The following CSMD2 variants were observed in gnomAD, a reference collection of about 807,000 sequenced individuals.
CSMD2 encodes the protein CUB and sushi domain-containing protein 2.
In CSMD2, 130 loss-of-function variants were observed where a neutral mutation model predicts 398.5. The ratio of observed to expected loss-of-function variants is 0.33; its 90% CI spans 0.28 to 0.38. The LOEUF is 0.38. Ranked by LOEUF, CSMD2 falls within the 10% of genes least tolerant of loss-of-function variation. The pLI is 1.00. For missense variants in CSMD2, 3,829 were observed against 4,764.9 expected (o/e 0.80, Z 5.78); for synonymous variants, 1,828 against 1,908.5 (o/e 0.96, Z 1.10).
intron 5 of CSMD2, among the ~76,000 whole-genome samples, chr1:33,912,157 T>G (rs1416052886): frequency 6.6e-6 from 1 of 152,070 alleles, no homozygotes; most frequent in African/African-American, 2.4e-5. Flanking sequence ...CACAGTTTTG[T>G]GGGGACTGGG....
chr1:34,110,994 A>G (rs990510653), intron 1 of CSMD2, among the ~76,000 whole-genome samples: 1 of 152,164 alleles, frequency 6.6e-6, no homozygotes, highest in African/African-American at 2.4e-5. Context: ...ATGTTTTCTT[A>G]TTTCAATAGC....
At chr1:33,684,596 C>T (rs566070932) in intron 25 of CSMD2, among the ~76,000 whole-genome samples, 4 of 152,344 alleles carry the variant, frequency 2.6e-5, no homozygotes, top group African/African-American at 7.2e-5. Flanking sequence ...GCTTCCCAGC[C>T]AATTTATCCT....
At chr1:33,556,535 G>C (rs572627556) in intron 55 of CSMD2, among the ~76,000 whole-genome samples, 1 of 152,288 alleles carries the variant, frequency 6.6e-6, no homozygotes, top group Admixed American at 6.5e-5. Flanking sequence ...AGATGGGGGA[G>C]AGAGAAATCT....
At chr1:33,697,088 G>C (rs1342380360) in intron 24 of CSMD2, among the ~76,000 whole-genome samples, 1 of 151,936 alleles carries the variant, frequency 6.6e-6, no homozygotes, top group Non-Finnish European at 1.5e-5. Flanking sequence ...TATACTGCTT[G>C]AGTGAACCCA....
chr1:33,972,236 C>G (rs1645798310), intron 3 of CSMD2, among the ~76,000 whole-genome samples: 2 of 152,180 alleles, frequency 1.3e-5, no homozygotes, highest in South Asian at 4.1e-4. Context: ...GAGGCTAAGC[C>G]AGGTCCCTGT....
chr1:34,140,168 C>CA (rs1370357858), intron 1 of CSMD2, among the ~76,000 whole-genome samples: 1 of 151,924 alleles, frequency 6.6e-6, no homozygotes, highest in Non-Finnish European at 1.5e-5. Context: ...GGGCAAGACA[C>CA]ACAATTCTAT....
intron 5 of CSMD2, chr1:33,860,997 C>T (rs1043377113): frequency 6.6e-5 from 10 of 152,174 alleles, no homozygotes; most frequent in African/African-American, 2.4e-4. Context: ...ATCTCTATAT[C>T]TTCTCTGTGC....
intron 55 of CSMD2, among the ~76,000 whole-genome samples, chr1:33,557,134 G>C (rs2148650857): frequency 6.6e-6 from 1 of 152,302 alleles, no homozygotes; most frequent in East Asian, 1.9e-4. Context: ...CAGATACTAT[G>C]CTGGGACTTT....
chr1:34,161,959 T>A (rs1032458803), intron 1 of CSMD2, among the ~76,000 whole-genome samples: 2 of 150,802 alleles, frequency 1.3e-5, no homozygotes, highest in Non-Finnish European at 3.0e-5. Context: ...GATCATGAGG[T>A]CAGGAGTTCG....
intron 9 of CSMD2, among the ~76,000 whole-genome samples, chr1:33,815,852 T>C (rs898913507): frequency 6.6e-6 from 1 of 152,176 alleles, no homozygotes; most frequent in African/African-American, 2.4e-5. Flanking sequence ...TGTACTCTAG[T>C]ACAATCAGTA....
intron 31 of CSMD2, among the ~76,000 whole-genome samples, chr1:33,634,523 G>A (rs759414336): frequency 2.0e-5 from 3 of 152,130 alleles, no homozygotes; most frequent in Non-Finnish European, 4.4e-5. Flanking sequence ...CTACAAAGAG[G>A]AGATCCAGGA....
intron 57 of CSMD2, among the ~76,000 whole-genome samples, chr1:33,545,053 T>G (rs1485780571): frequency 6.6e-6 from 1 of 152,082 alleles, no homozygotes; most frequent in Non-Finnish European, 1.5e-5. Flanking sequence ...CCCCCCACCT[T>G]AAGTGAGCGC....
intron 64 of CSMD2, 86 bp downstream of exon 64, chr1:33,532,964 C>G: frequency 7.9e-7 from 1 of 1,264,590 alleles, no homozygotes; most frequent in Non-Finnish European, 1.1e-6. Context: ...CAATTCCTTC[C>G]TTCTCTTTTG....
intron 15 of CSMD2, among the ~76,000 whole-genome samples, chr1:33,731,905 G>A (rs1247594566): frequency 3.3e-5 from 5 of 152,250 alleles, no homozygotes; most frequent in East Asian, 1.9e-4. Context: ...AATTTGCTGC[G>A]AAATAATCCC....
Position 33,652,358 on chromosome 1 carries a change from G to A in CSMD2, c.4551C>T (p.Val1517=). 6.2e-7 allele frequency: 1 copy of A among 1,614,204 alleles called. No individual in the cohort carries two copies. Among genetic ancestry groups the A allele is most frequent in the South Asian group, 1.1e-5 (1 of 91,086 alleles). Residue 1517 remains valine (V), a synonymous_variant, in exon 28 of 71, where the codon GTC becomes GTT. Coordinates refer to ENST00000373381, the MANE Select transcript of CSMD2 (RefSeq NM_001281956.2). ...CCAGGGCGATGACGTAGTCTGGTGAGACGGTCACTTTCCAGTCACACTCCT... is the reference window on the plus strand; with the variant it reads ...CCAGGGCGATGACGTAGTCTGGTGAAACGGTCACTTTCCAGTCACACTCCT... The part of the protein sequence containing the change: ...PGKECDWKVT[V]SPDYVIALVF...
At position 33,567,587 on chromosome 1, in the gene CSMD2, A is replaced by T; in HGVS notation, c.8380+6T>A. 2 of 1,614,016 alleles carry T rather than the reference A, an allele frequency of 1.2e-6. No homozygotes were observed. The highest frequency in any genetic ancestry group is 1.7e-6 in the Non-Finnish European group (2 of 1,179,950). ...CATGACTAGGGAGAGTGGATGACATACTTACGCACACAGAAAGGGGTCTTG... is the reference window on the plus strand; with the variant it reads ...CATGACTAGGGAGAGTGGATGACATTCTTACGCACACAGAAAGGGGTCTTG... On this transcript the variant is annotated splice_donor_region_variant and intron_variant, in intron 53 of 70. Transcript: ENST00000373381.
At position 33,559,512 on chromosome 1, in the gene CSMD2, T is replaced by C; in HGVS notation, c.8381-39A>G. On this transcript the variant is annotated intron_variant, in intron 53 of 70. Coordinates refer to ENST00000373381, the MANE Select transcript of CSMD2 (RefSeq NM_001281956.2). This position sits in a 1 kb window ranked among gnomAD's most constrained non-coding sequence, Gnocchi z 4.0. ...AGAAGATAGGTAAGCCCTCCTACTA[T>C]TCCACACCCCTCAGAATTTATCCAC... is the stretch of plus-strand genomic sequence containing the variant. 1 of 1,520,878 alleles carries C rather than the reference T, an allele frequency of 6.6e-7. No individual in the cohort carries two copies. The highest frequency in any genetic ancestry group is 8.8e-7 in the Non-Finnish European group (1 of 1,133,918). The allele number at this position is 1,520,878 out of a possible 1,614,324, so 94.2% of individuals were successfully genotyped here. A position where few individuals can be genotyped will look rare whatever the true frequency, so the allele number is the denominator to read the frequency against.
At position 33,929,432 on chromosome 1, in the gene CSMD2, C is replaced by CTTTTTTTTTTTT. The variant is rs936900076; in HGVS notation, c.712+6316_712+6327dup. ...TCCTGAACTCAGAACCAAGCCTATA[C>CTTTTTTTTTTTT]TTTTTTTTTTTTTTTTTTTTTTTGA... On this transcript the variant is annotated intron_variant, in intron 4 of 70. Transcript: ENST00000373381. 7.0e-4 allele frequency among the ~76,000 whole-genome samples: 70 copies of CTTTTTTTTTTTT among 100,662 alleles called. 10 individuals are homozygous for CTTTTTTTTTTTT. The highest frequency in any genetic ancestry group is 1.2e-3 in the African/African-American group (28 of 22,548). The allele number at this position is 100,662 out of a possible 152,430, so 66.0% of individuals were successfully genotyped here. A position where few individuals can be genotyped will look rare whatever the true frequency, so the allele number is the denominator to read the frequency against.
intron 2 of CSMD2, among the ~76,000 whole-genome samples, chr1:34,055,268 C>A (rs542864097): frequency 2.0e-5 from 3 of 152,300 alleles, no homozygotes; most frequent in South Asian, 2.1e-4. Flanking sequence ...CTTCTGTAAC[C>A]AAATGGAGGT....
Sources: allele counts gnomAD v4.1 joint callset (sites outside exome capture counted in the v4.1 genomes callset), GRCh38; gene constraint gnomAD v4.1.1; non-coding constraint Gnocchi (gnomAD v3.1); transcripts MANE v1.5; gene names NCBI Gene and HGNC (gene_info 2026-07-23, HGNC 2026-07-21).